The following CNTN6 variants were observed in gnomAD, a reference collection of about 807,000 sequenced individuals.
The protein encoded by CNTN6 is contactin 6.
In CNTN6, 137 loss-of-function variants were observed where a neutral mutation model predicts 122.8. That is an observed-to-expected ratio of 1.12 (90% CI 0.97 to 1.29). CNTN6 has a LOEUF of 1.29. CNTN6 is among the 50% of genes most tolerant of loss of function. The pLI, the probability that CNTN6 is intolerant of heterozygous loss-of-function variation, is 0.00. For synonymous variants in CNTN6, 570 were observed against 426.0 expected (o/e 1.34, Z -4.16); for missense variants, 1,634 against 1,223.4 (o/e 1.34, Z -5.01).
At chr3:1,212,024 G>A (rs1559521893) in intron 2 of CNTN6, among the ~76,000 whole-genome samples, 1 of 151,960 alleles carries the variant, frequency 6.6e-6, no homozygotes, top group Non-Finnish European at 1.5e-5. Flanking sequence ...CAGTATTTAG[G>A]GAATAATAAT....
chr3:1,353,976 T>G (rs941089751), intron 12 of CNTN6, among the ~76,000 whole-genome samples: 2 of 151,494 alleles, frequency 1.3e-5, no homozygotes, highest in African/African-American at 2.4e-5. Context: ...TAAAATACAA[T>G]GATGGGGATT....
At chr3:1,336,150 G>A (rs183452084) in intron 11 of CNTN6, among the ~76,000 whole-genome samples, 1 of 151,458 alleles carries the variant, frequency 6.6e-6, no homozygotes, top group South Asian at 2.1e-4. Flanking sequence ...ACTGCACTTT[G>A]CCCAGATTTC....
chr3:1,353,587 C>G (rs899403512), intron 12 of CNTN6, among the ~76,000 whole-genome samples: 2 of 151,502 alleles, frequency 1.3e-5, no homozygotes, highest in Non-Finnish European at 3.0e-5. Flanking sequence ...TTAAGTGTTT[C>G]AAGATAGATG....
intron 5 of CNTN6, among the ~76,000 whole-genome samples, chr3:1,284,976 C>T (rs1235667927): frequency 2.0e-5 from 3 of 152,158 alleles, no homozygotes; most frequent in African/African-American, 7.2e-5. Flanking sequence ...TTTGCCTTCT[C>T]CTGGGAGTAA....
chr3:1,286,137 A>G (rs900347415), intron 5 of CNTN6, among the ~76,000 whole-genome samples: 1 of 152,156 alleles, frequency 6.6e-6, no homozygotes, highest in South Asian at 2.1e-4. Context: ...GGATTTTCCA[A>G]CACTGGTACA....
In CNTN6 at chr3:1,372,880, C is replaced by A. The variant is rs201855390; in HGVS notation, c.1711C>A (p.His571Asn). The A allele has an allele frequency of 3.3e-5, 53 of 1,609,664 alleles. No homozygotes were observed. In the Middle Eastern group the frequency reaches 1.3e-3, roughly 40 times the overall value. The change falls in exon 14 of 23, where the codon CAT becomes AAT. Residue 571 changes from histidine (H) to asparagine (N), a missense_variant. Transcript: ENST00000446702. ...DLMIRNIQLH[H>N]SGKYLCTVQT... ...GATGATAAGGAATATTCAGTTACAT[C>A]ATTCAGGAAAATATCTCTGCACAGT...
intron 1 of CNTN6, among the ~76,000 whole-genome samples, chr3:1,124,100 A>G (rs2092066617): frequency 6.6e-6 from 1 of 151,930 alleles, no homozygotes; most frequent in East Asian, 1.9e-4. Context: ...TTTGGCTCCC[A>G]GTTTATATTA....
At chr3:1,386,781 C>T (rs142499849) in intron 20 of CNTN6, among the ~76,000 whole-genome samples, 2 of 152,062 alleles carry the variant, frequency 1.3e-5, no homozygotes, top group East Asian at 3.9e-4. Flanking sequence ...AAATTCAGTG[C>T]CACTTACAAA....
At chr3:1,365,817 A>T (rs1473716642) in intron 12 of CNTN6, among the ~76,000 whole-genome samples, 1 of 152,174 alleles carries the variant, frequency 6.6e-6, no homozygotes, top group Non-Finnish European at 1.5e-5. Flanking sequence ...TACAGAATTA[A>T]TTACAGTTAA....
intron 7 of CNTN6, among the ~76,000 whole-genome samples, chr3:1,308,457 C>T (rs753530343): frequency 5.9e-5 from 9 of 151,876 alleles, no homozygotes; most frequent in African/African-American, 1.9e-4. Flanking sequence ...CATCAGAAAC[C>T]AATATCTGGG....
chr3:1,139,940 T>C (rs2125133667), intron 1 of CNTN6, among the ~76,000 whole-genome samples: 1 of 152,328 alleles, frequency 6.6e-6, no homozygotes, highest in African/African-American at 2.4e-5. Flanking sequence ...CAATCTTGTC[T>C]ACCTATTAAG....
chr3:1,216,969 G>GGAT lies in CNTN6; in HGVS notation c.56-3704_56-3702dup, dbSNP rs536965602. 9.9e-5 allele frequency among the ~76,000 whole-genome samples: 15 copies of GGAT among 152,042 alleles called. 1 individual carries two copies. The South Asian group carries it at 2.7e-3, about 27-fold the overall frequency. On this transcript the variant is annotated intron_variant, in intron 2 of 22. Transcript: ENST00000446702. ...TTTCCTTCTCTTTAATAATAATGAT[G>GGAT]GATGATGATGATGATGCTGATGATT...
At chr3:1,104,332 A>T (rs905306628) in intron 1 of CNTN6, among the ~76,000 whole-genome samples, 1 of 152,164 alleles carries the variant, frequency 6.6e-6, no homozygotes, top group Non-Finnish European at 1.5e-5. Context: ...TACTAAGAAT[A>T]ATAATTATTC....
Position 1,093,091 on chromosome 3 carries a change from A to G in CNTN6, c.-112A>G. ...GAGCTTGAAACAGAGTTCTGCAGAAAAACTGTAAAGATCCCGAGACATTTC... is the reference window on the plus strand; with the variant it reads ...GAGCTTGAAACAGAGTTCTGCAGAAGAACTGTAAAGATCCCGAGACATTTC... On this transcript the variant is annotated 5_prime_UTR_variant, in exon 1 of 23. Coordinates refer to ENST00000446702, the MANE Select transcript of CNTN6 (RefSeq NM_001289080.2). 3.3e-6 allele frequency: 1 copy of G among 299,844 alleles called. No homozygotes were observed. The highest frequency in any genetic ancestry group is 2.9e-5 in the South Asian group (1 of 34,490). The allele number at this position is 299,844 out of a possible 1,614,324, so 18.6% of individuals were successfully genotyped here.
At position 1,395,570 on chromosome 3, in the gene CNTN6, TG is replaced by T. The variant is rs1328683920; in HGVS notation, c.2705-5862del. On this transcript the variant is annotated intron_variant, in intron 20 of 22. Coordinates refer to ENST00000446702, the MANE Select transcript of CNTN6 (RefSeq NM_001289080.2). ...ACAACTCCTCTAACTCTCACTTTCT[TG>T]CTTCCCTCTTTCCCTTGTACGGACC... 2.0e-5 allele frequency among the ~76,000 whole-genome samples: 3 copies of T among 152,214 alleles called. No homozygotes were observed. The East Asian group carries it at 5.8e-4, about 30-fold the overall frequency.
intron 5 of CNTN6, among the ~76,000 whole-genome samples, chr3:1,292,958 G>A (rs1695576231): frequency 6.7e-6 from 1 of 150,042 alleles, no homozygotes; most frequent in East Asian, 2.0e-4. Context: ...ACCTAACAAT[G>A]CTGCTTAGGT....
At chr3:1,183,738 T>C (rs2093591156) in intron 2 of CNTN6, among the ~76,000 whole-genome samples, 2 of 152,152 alleles carry the variant, frequency 1.3e-5, no homozygotes, top group Admixed American at 6.6e-5. Context: ...ACCACAATCA[T>C]AGTGGCTTCA....
At position 1,180,966 on chromosome 3, in the gene CNTN6, T is replaced by A. The variant is rs193225893; in HGVS notation, c.55+32903T>A. 5.9e-4 allele frequency among the ~76,000 whole-genome samples: 90 copies of A among 152,316 alleles called. 1 individual carries two copies. The highest frequency in any genetic ancestry group is 1.9e-4 in the Non-Finnish European group (13 of 68,036). On this transcript the variant is annotated intron_variant, in intron 2 of 22. Coordinates refer to ENST00000446702, the MANE Select transcript of CNTN6 (RefSeq NM_001289080.2). ...CTTGTTCTTATTTTTTTTACTTTTT[T>A]TTCTTTGCATTTTTGTAATGTCCTT...
intron 1 of CNTN6, among the ~76,000 whole-genome samples, chr3:1,120,694 T>C (rs1185246453): frequency 6.6e-6 from 1 of 151,894 alleles, no homozygotes; most frequent in Non-Finnish European, 1.5e-5. Flanking sequence ...AAGAAATCTT[T>C]GCTTATCCCA....
Sources: allele counts gnomAD v4.1 joint callset (sites outside exome capture counted in the v4.1 genomes callset), GRCh38; gene constraint gnomAD v4.1.1; transcripts MANE v1.5; gene names NCBI Gene and HGNC (gene_info 2026-07-23, HGNC 2026-07-21).